Variants in TMTC4 observed in about 807,000 individuals in gnomAD.
TMTC4 encodes transmembrane O-mannosyltransferase targeting cadherins 4.
Under a neutral mutation model 86.0 loss-of-function variants are expected in TMTC4, and 65 were observed. The ratio of observed to expected loss-of-function variants is 0.76; its 90% confidence interval spans 0.62 to 0.93. The LOEUF (loss-of-function observed/expected upper bound fraction) is 0.93, where lower values mean the gene tolerates loss of function less well. TMTC4 is among the 40% of genes least tolerant of loss of function. The probability of loss-of-function intolerance (pLI) is 0.00; values close to 1 mark genes in which losing one functional copy is unlikely to be tolerated. For synonymous variants in TMTC4, 379 were observed against 382.5 expected, an observed-to-expected ratio of 0.99 and a Z score of 0.11; for missense variants, 866 against 948.1, an observed-to-expected ratio of 0.91 and a Z score of 1.14.
chr13:100,665,663 G>GC (rs1218088195), intron 3 of TMTC4, among the ~76,000 whole-genome samples: 1 of 152,202 alleles, frequency 6.6e-6, no homozygotes, highest in Non-Finnish European at 1.5e-5. Flanking sequence ...ACCTAAGAAT[G>GC]CCCCAAACAG....
intron 6 of TMTC4, among the ~76,000 whole-genome samples, chr13:100,651,940 A>G (rs1447893625): frequency 6.6e-6 from 1 of 152,238 alleles, no homozygotes; most frequent in East Asian, 1.9e-4. Context: ...CTGAACATTT[A>G]TAGACATGGG....
chr13:100,663,245 TGGA>T, intron 4 of TMTC4, 65 bp from the exon 5 acceptor site: 3 of 1,422,458 alleles, frequency 2.1e-6, no homozygotes, highest in South Asian at 1.2e-5. Context: ...GGCAAAGGTC[TGGA>T]GGAGAAGGCT....
At chr13:100,609,909 G>A (rs1050711299) in intron 17 of TMTC4, among the ~76,000 whole-genome samples, 7 of 152,124 alleles carry the variant, frequency 4.6e-5, no homozygotes, top group African/African-American at 1.2e-4. Context: ...TTAGAGCCAC[G>A]CAGATATAAC....
intron 12 of TMTC4, among the ~76,000 whole-genome samples, chr13:100,630,019 CTGTGTGTATG>C (rs60762935): frequency 0.29 from 42,483 of 146,302 alleles, 5,905 homozygotes; most frequent in East Asian, 0.46. Flanking sequence ...GCCACCCAAT[CTGTGTGTATG>C]TGTGTGTGTG....
At chr13:100,614,509 A>AG in intron 15 of TMTC4, 79 bp from the exon 16 acceptor site, 4 of 1,105,292 alleles carry the variant, frequency 3.6e-6, no homozygotes, top group African/African-American at 3.2e-5. Context: ...AAAAAAAAAA[A>AG]AAAGAAAGAA....
chr13:100,609,302 A>G (rs908834458), intron 17 of TMTC4, among the ~76,000 whole-genome samples: 66 of 152,174 alleles, frequency 4.3e-4, no homozygotes, highest in African/African-American at 1.5e-3. Context: ...ATTTACAGTA[A>G]TGATGCGTTG....
intron 5 of TMTC4, among the ~76,000 whole-genome samples, chr13:100,657,878 T>A (rs1233155793): frequency 6.6e-6 from 1 of 152,188 alleles, no homozygotes; most frequent in Non-Finnish European, 1.5e-5. Context: ...CCGAGGACCA[T>A]TCGTCACTGT....
chr13:100,660,055 G>A (rs1885575340), intron 5 of TMTC4, among the ~76,000 whole-genome samples: 1 of 151,662 alleles, frequency 6.6e-6, no homozygotes, highest in Non-Finnish European at 1.5e-5. Flanking sequence ...GTTAGGCCAG[G>A]TGCAGTGGCT....
At chr13:100,674,668 A>T (rs1396470217) in intron 1 of TMTC4, 76 bp downstream of exon 1, 1 of 981,728 alleles carries the variant, frequency 1.0e-6, no homozygotes, top group Non-Finnish European at 1.2e-6. Flanking sequence ...GCAGCGGGGA[A>T]CCCGCGCCCG....
At chr13:100,657,891 C>T (rs960548644) in intron 5 of TMTC4, among the ~76,000 whole-genome samples, 11 of 152,208 alleles carry the variant, frequency 7.2e-5, no homozygotes, top group Non-Finnish European at 2.9e-5. Context: ...GTCACTGTAA[C>T]TGTGACCTCC....
chr13:100,663,943 G>GA (rs1886104126), intron 4 of TMTC4, among the ~76,000 whole-genome samples: 1 of 152,168 alleles, frequency 6.6e-6, no homozygotes, highest in Non-Finnish European at 1.5e-5. Context: ...GCCCCATGAT[G>GA]CTTTCACTCA....
chr13:100,609,044 G>A (rs998629921), intron 17 of TMTC4, among the ~76,000 whole-genome samples: 2 of 152,150 alleles, frequency 1.3e-5, no homozygotes, highest in African/African-American at 4.8e-5. Context: ...GCTAGAATAG[G>A]AAGGGTAACA....
At chr13:100,656,259 C>T in intron 6 of TMTC4, 122 bp downstream of exon 6, 1 of 763,562 alleles carries the variant, frequency 1.3e-6, no homozygotes, top group East Asian at 2.8e-5. Flanking sequence ...CATCCTCTGG[C>T]CCAGATCCCC....
chr13:100,658,325 C>G (rs930406731), intron 5 of TMTC4, among the ~76,000 whole-genome samples: 1 of 152,010 alleles, frequency 6.6e-6, no homozygotes, highest in Admixed American at 6.5e-5. Flanking sequence ...CTCTGCAGCC[C>G]CGGGTGAGTG....
At chr13:100,615,760 TTTTA>T (rs1407719938) in intron 15 of TMTC4, among the ~76,000 whole-genome samples, 1 of 152,138 alleles carries the variant, frequency 6.6e-6, no homozygotes, top group African/African-American at 2.4e-5. Context: ...GCCTTCAACT[TTTTA>T]TTTTAGATTC....
Position 100,614,393 on chromosome 13 carries a change from G to T in TMTC4, c.1874C>A (p.Ala625Glu), listed in dbSNP as rs774619015. ...TTTCAGCACGGTGGCATTTCTCCAC[G>T]CATTCAAGGCATCCACGTGGCGATT... ...DLNRHVDALNAWRNATVLKPE... is the reference protein window; with the variant it reads ...DLNRHVDALNEWRNATVLKPE... Residue 625 changes from alanine (A) to glutamate (E), a missense_variant, in exon 16 of 19, where the codon GCG (alanine) becomes GAG (glutamate). Physicochemically the swap from Ala to Glu is moderately radical, Grantham distance 107 (BLOSUM62 -1). Transcript: ENST00000342624. 4 of 1,612,590 alleles carry T rather than the reference G, an allele frequency of 2.5e-6. No homozygotes were observed. The highest frequency in any genetic ancestry group is 1.3e-5 in the African/African-American group (1 of 74,398).
At chr13:100,669,492 TGAGG>T (rs1461538249) in intron 2 of TMTC4, among the ~76,000 whole-genome samples, 2 of 152,182 alleles carry the variant, frequency 1.3e-5, no homozygotes, top group Non-Finnish European at 2.9e-5. Context: ...CTATTCTGTG[TGAGG>T]ATATGACCTT....
chr13:100,669,247 T>C (rs1038025074), intron 2 of TMTC4, among the ~76,000 whole-genome samples: 1 of 152,178 alleles, frequency 6.6e-6, no homozygotes, highest in Non-Finnish European at 1.5e-5. Context: ...AACACAACCC[T>C]GCTTCTGAAA....
At chr13:100,659,709 G>A (rs563573249) in intron 5 of TMTC4, among the ~76,000 whole-genome samples, 3 of 151,566 alleles carry the variant, frequency 2.0e-5, no homozygotes, top group East Asian at 2.0e-4. Flanking sequence ...TTGAAGCAAT[G>A]TGCGGTGGTT....
Sources: gnomAD v4.1 joint callset for allele counts (sites outside exome capture counted in the v4.1 genomes callset) on GRCh38, gnomAD v4.1.1 for gene constraint, MANE v1.5 for transcripts, NCBI Gene and HGNC (gene_info 2026-07-23, HGNC 2026-07-21) for gene names.